SLC2A10: variants seen among roughly 807,000 people sequenced by gnomAD.
The protein encoded by SLC2A10 is solute carrier family 2 member 10, also known as solute carrier family 2, facilitated glucose transporter member 10.
In SLC2A10, 25 loss-of-function variants were observed where a neutral mutation model predicts 32.1. The observed-to-expected ratio is 0.78, with a 90% CI of 0.57 to 1.09. The LOEUF is 1.09. SLC2A10 is among the 50% of genes least tolerant of loss of function. The pLI, the probability that SLC2A10 is intolerant of heterozygous loss-of-function variation, is 0.00. For synonymous variants in SLC2A10, 332 were observed against 309.6 expected (o/e 1.07, Z -0.76); for missense variants, 673 against 686.5 (o/e 0.98, Z 0.22).
chr20:46,729,624 A>AGTTTTT (rs1568988510), intron 4 of SLC2A10, 136 bp downstream of exon 4: 2 of 372,342 alleles, frequency 5.4e-6, no homozygotes, highest in Non-Finnish European at 8.8e-6. Context: ...GGGCACTATG[A>AGTTTTT]GTTTTTTTTT....
chr20:46,722,436 T>C (rs899152925), intron 1 of SLC2A10, among the ~76,000 whole-genome samples: 12 of 152,248 alleles, frequency 7.9e-5, no homozygotes. Context: ...GCTTTTAGCA[T>C]AAAACATGTG....
upstream of SLC2A10, among the ~76,000 whole-genome samples, chr20:46,708,782 C>T (rs1476180893): frequency 6.6e-6 from 1 of 152,184 alleles, no homozygotes; most frequent in Non-Finnish European, 1.5e-5. Flanking sequence ...GCTCCCATCT[C>T]CCTCCTCTCT....
intron 1 of SLC2A10, among the ~76,000 whole-genome samples, chr20:46,720,088 A>G (rs989838160): frequency 1.7e-4 from 26 of 152,236 alleles, no homozygotes; most frequent in Non-Finnish European, 4.4e-5. Flanking sequence ...TGGCTCTGAA[A>G]GCAAACAAGG....
chr20:46,726,415 G>T, intron 2 of SLC2A10, 91 bp downstream of exon 2: 4 of 1,539,530 alleles, frequency 2.6e-6, no homozygotes, highest in Non-Finnish European at 3.5e-6. Flanking sequence ...ACCTGGCAGG[G>T]TGTCAGTGGG....
intron 4 of SLC2A10, 42 bp from the exon 5 acceptor site, chr20:46,733,714 G>A: frequency 6.4e-7 from 1 of 1,571,168 alleles, no homozygotes; most frequent in Non-Finnish European, 8.8e-7. Context: ...GACGGCCCCA[G>A]GCCCTGCCAC....
At position 46,725,207 on chromosome 20, in the gene SLC2A10, G is replaced by A; in HGVS notation, c.171G>A (p.Gly57=). Residue 57 remains glycine, a synonymous_variant, in exon 2 of 5, where the codon GGG becomes GGA. Transcript: ENST00000359271. ...QEFLVGSLLL[G]ALLASLVGGF... ...TCCTGGTGGGCAGCCTGCTCCTGGG[G>A]GCTCTCCTCGCCTCCCTGGTTGGTG... is the stretch of plus-strand genomic sequence containing the variant. 1 of 1,614,084 alleles carries A rather than the reference G, an allele frequency of 6.2e-7. No individual in the cohort carries two copies. The highest frequency in any genetic ancestry group is 1.1e-5 in the South Asian group (1 of 91,076).
chr20:46,723,221 G>C (rs777433031), intron 1 of SLC2A10, among the ~76,000 whole-genome samples: 14 of 152,122 alleles, frequency 9.2e-5, no homozygotes, highest in Non-Finnish European at 1.3e-4. Context: ...TTCCAAGATG[G>C]CTGCTGAAGC....
intron 1 of SLC2A10, among the ~76,000 whole-genome samples, chr20:46,719,772 A>G (rs1475550982): frequency 6.6e-6 from 1 of 152,224 alleles, no homozygotes; most frequent in South Asian, 2.1e-4. Flanking sequence ...CAGGACTGCT[A>G]CAGGTGGTAA....
intron 1 of SLC2A10, among the ~76,000 whole-genome samples, chr20:46,715,620 G>A (rs1383263406): frequency 1.3e-5 from 2 of 152,138 alleles, no homozygotes; most frequent in African/African-American, 4.8e-5. Flanking sequence ...CAGGGGAGAG[G>A]GATGAGCAGA....
Position 46,725,852 on chromosome 20 carries a change from C to A in SLC2A10, c.816C>A (p.Ala272=). 3 of 1,614,252 alleles carry A rather than the reference C, an allele frequency of 1.9e-6. No homozygotes were observed. Among genetic ancestry groups the A allele is most frequent in the Non-Finnish European group, 1.7e-6 (2 of 1,180,038 alleles). Reference sequence around the variant, plus strand: ...ATGGGGGATCCTCAGCCGTGCTGGCCTCTGTGGGGCTTGGCGCAGTGAAGG... The same window carrying A: ...ATGGGGGATCCTCAGCCGTGCTGGCATCTGTGGGGCTTGGCGCAGTGAAGG... ...GFHGGSSAVL[A]SVGLGAVKVA... is the part of the protein sequence containing the mutation. The change falls in exon 2 of 5, where the codon GCC becomes GCA. Residue 272 remains alanine, a synonymous_variant. Transcript: ENST00000359271.
chr20:46,720,753 A>G (rs1979505206), intron 1 of SLC2A10, among the ~76,000 whole-genome samples: 1 of 151,842 alleles, frequency 6.6e-6, no homozygotes, highest in African/African-American at 2.4e-5. Flanking sequence ...ATATATTGGT[A>G]TTTTTAACAC....
At chr20:46,720,552 G>A (rs1443784648) in intron 1 of SLC2A10, among the ~76,000 whole-genome samples, 3 of 152,070 alleles carry the variant, frequency 2.0e-5, no homozygotes, top group South Asian at 2.1e-4. Context: ...AACTAATCTA[G>A]GACTAAAAAC....
In SLC2A10 at chr20:46,709,651, C is replaced by G; in HGVS notation, c.-86C>G. On this transcript the variant is annotated 5_prime_UTR_variant, in exon 1 of 5. Transcript: ENST00000359271. Reference sequence around the variant, plus strand: ...GGCGGGGGCGGGCCGGAAAGTTTGTCCGGCGGCAGCGGCGTTGGGGACTCC... The same window carrying G: ...GGCGGGGGCGGGCCGGAAAGTTTGTGCGGCGGCAGCGGCGTTGGGGACTCC... The G allele has an allele frequency of 6.7e-7, 1 of 1,494,226 alleles. No individual in the cohort carries two copies. Among genetic ancestry groups the G allele is most frequent in the East Asian group, 2.7e-5 (1 of 37,554 alleles). 92.6% of individuals were successfully genotyped at this position (1,494,226 alleles called of 1,614,324 possible).
At chr20:46,722,621 GC>G (rs1242196685) in intron 1 of SLC2A10, among the ~76,000 whole-genome samples, 1 of 152,184 alleles carries the variant, frequency 6.6e-6, no homozygotes, top group Non-Finnish European at 1.5e-5. Flanking sequence ...CTTCAAGATG[GC>G]CTCACTCTGG....
At position 46,733,865 on chromosome 20, in the gene SLC2A10, GTGGCTT is replaced by G. The variant is rs1980431990; in HGVS notation, c.*36_*41del. On this transcript the variant is annotated 3_prime_UTR_variant, in exon 5 of 5. Coordinates refer to ENST00000359271, the MANE Select transcript of SLC2A10 (RefSeq NM_030777.4). ...CCGTCTGCCTGGAAATTCTGGAACT[GTGGCTT>G]TGGCAGACCATCTCCAGCATCCTGC... 3.1e-6 allele frequency: 5 copies of G among 1,607,332 alleles called. No homozygotes were observed. Among genetic ancestry groups the G allele is most frequent in the Non-Finnish European group, 4.3e-6 (5 of 1,174,148 alleles).
chr20:46,719,408 A>G (rs771239406), intron 1 of SLC2A10, among the ~76,000 whole-genome samples: 3 of 152,160 alleles, frequency 2.0e-5, no homozygotes, highest in Admixed American at 6.5e-5. Context: ...GTTTATAAAG[A>G]AAAAGAGGTT....
Position 46,734,533 on chromosome 20 carries a change from C to A in SLC2A10, c.*699C>A, listed in dbSNP as rs1333769012. On this transcript the variant is annotated 3_prime_UTR_variant, in exon 5 of 5. Coordinates refer to ENST00000359271, the MANE Select transcript of SLC2A10 (RefSeq NM_030777.4). ...CAAGTGATCCACCCACCTCAGCCTC[C>A]CAGAGTGCTAGGATTACAGGCCTTT... The A allele has an allele frequency of 6.5e-6, 1 of 153,436 alleles. No individual in the cohort carries two copies. Among genetic ancestry groups the A allele is most frequent in the Non-Finnish European group, 1.5e-5 (1 of 68,952 alleles). 9.5% of individuals were successfully genotyped at this position (153,436 alleles called of 1,614,324 possible). A position where few individuals can be genotyped will look rare whatever the true frequency, so the allele number is the denominator to read the frequency against.
Position 46,730,809 on chromosome 20 carries a change from T to C in SLC2A10, c.1547+1321T>C, listed in dbSNP as rs138465779. Among the ~76,000 whole-genome samples, 33 of 152,352 alleles carry C rather than the reference T, an allele frequency of 2.2e-4. No individual in the cohort carries two copies. The East Asian group carries it at 6.2e-3, about 28-fold the overall frequency. ...AAGGAACTTCAAAGTGCTACAGTCC[T>C]AAGCATCCTTGGCAAATATCCCCAG... is the stretch of plus-strand genomic sequence containing the variant. On this transcript the variant is annotated intron_variant, in intron 4 of 4. Transcript: ENST00000359271.
chr20:46,729,300 G>C, intron 3 of SLC2A10, 53 bp from the exon 4 acceptor site: 1 of 1,610,960 alleles, frequency 6.2e-7, no homozygotes, highest in Non-Finnish European at 8.5e-7. Context: ...GGCCCAGGCT[G>C]CGGGGCCAGA....
Sources: gnomAD v4.1 joint callset for allele counts (sites outside exome capture counted in the v4.1 genomes callset) on GRCh38, gnomAD v4.1.1 for gene constraint, MANE v1.5 for transcripts, NCBI Gene and HGNC (gene_info 2026-07-23, HGNC 2026-07-21) for gene names.